The following POTEJ variants were observed in gnomAD, a reference collection of about 807,000 sequenced individuals.
POTEJ encodes the protein POTE ankyrin domain family member J, also known as POTE ankyrin domain family, member J.
A neutral mutation model predicts 69.0 loss-of-function variants in POTEJ; 11 were observed. The ratio of observed to expected loss-of-function variants is 0.16; its 90% CI spans 0.10 to 0.26. POTEJ has a LOEUF of 0.26. Ranked by LOEUF, POTEJ falls within the 10% of genes least tolerant of loss-of-function variation. The probability of loss-of-function intolerance (pLI) is 1.00; values close to 1 mark genes in which losing one functional copy is unlikely to be tolerated. For synonymous variants in POTEJ, 117 were observed against 381.1 expected, an observed-to-expected ratio of 0.31 and a Z score of 8.07; for missense variants, 327 against 1,045.5, an observed-to-expected ratio of 0.31 and a Z score of 9.48.
In POTEJ at chr2:130,611,709, C is replaced by G. The variant is rs1053816490; in HGVS notation, c.177C>G (p.Ser59Arg). ...ACTCCACTATGAAGACACTCAGGAG[C>G]AAGATGGGCAAGTGGTGCTGCCACT... ...QDDSTMKTLR[S>R]KMGKWCCHCF... The change falls in exon 1 of 15, where the codon AGC becomes AGG. Residue 59 changes from serine to arginine, a missense_variant. Ser to Arg is a moderately radical substitution (Grantham distance 110, BLOSUM62 -1). Coordinates refer to ENST00000409602, the MANE Select transcript of POTEJ (RefSeq NM_001277083.2). The G allele has an allele frequency of 1.9e-6, 3 of 1,559,482 alleles. No individual in the cohort carries two copies. In the African/African-American group the frequency reaches 4.9e-5, roughly 26 times the overall value.
At chr2:130,625,051 G>A (rs1483118618) in intron 6 of POTEJ, among the ~76,000 whole-genome samples, 9 of 152,148 alleles carry the variant, frequency 5.9e-5, no homozygotes, top group South Asian at 2.1e-4. Context: ...ATGCTACCTG[G>A]TTGTGGACAC....
At chr2:130,623,977 T>C in intron 5 of POTEJ, 87 bp from the exon 6 acceptor site, 1 of 1,356,462 alleles carries the variant, frequency 7.4e-7, no homozygotes, top group African/African-American at 1.8e-5. Flanking sequence ...TGATATTGTT[T>C]GAAATACTCT....
intron 6 of POTEJ, among the ~76,000 whole-genome samples, chr2:130,625,158 G>A (rs1408219223): frequency 6.6e-6 from 1 of 152,180 alleles, no homozygotes; most frequent in Non-Finnish European, 1.5e-5. Flanking sequence ...TAAGTTGCAG[G>A]AGACAAAGAT....
intron 3 of POTEJ, among the ~76,000 whole-genome samples, chr2:130,618,564 C>A (rs1303264368): frequency 6.8e-6 from 1 of 147,344 alleles, no homozygotes; most frequent in Non-Finnish European, 1.5e-5. Flanking sequence ...CATAATGAGA[C>A]CCTGTCTCTA....
intron 14 of POTEJ, among the ~76,000 whole-genome samples, 156 bp downstream of exon 14, chr2:130,655,197 C>T (rs1686939831): frequency 6.6e-6 from 1 of 151,514 alleles, no homozygotes; most frequent in Non-Finnish European, 1.5e-5. Context: ...TAGGATAAAG[C>T]CATGTTCTTA....
intron 10 of POTEJ, among the ~76,000 whole-genome samples, chr2:130,643,621 G>A (rs1035039166): frequency 4.9e-5 from 7 of 143,652 alleles, no homozygotes; most frequent in Admixed American, 2.8e-4. Context: ...TGTCAGCAGT[G>A]ATTTTGGAAA....
At chr2:130,650,668 AT>A (rs1374978571) in intron 13 of POTEJ, among the ~76,000 whole-genome samples, 94 of 129,902 alleles carry the variant, frequency 7.2e-4, no homozygotes, top group African/African-American at 2.6e-3. Context: ...TTATATTAAT[AT>A]TTTTTCACTT....
At chr2:130,640,983 T>G (rs201391125) in intron 10 of POTEJ, among the ~76,000 whole-genome samples, 1 of 149,762 alleles carries the variant, frequency 6.7e-6, no homozygotes, top group East Asian at 1.9e-4. Flanking sequence ...TGGTGTAAAA[T>G]GGGTTAGCAG....
intron 3 of POTEJ, among the ~76,000 whole-genome samples, chr2:130,617,893 GTT>G (rs1253841317): frequency 6.6e-6 from 1 of 152,308 alleles, no homozygotes; most frequent in African/African-American, 2.4e-5. Flanking sequence ...GAGAATGACA[GTT>G]TTCAGTTTGG....
chr2:130,641,288 G>A (rs1290688318), intron 10 of POTEJ, among the ~76,000 whole-genome samples: 3 of 152,122 alleles, frequency 2.0e-5, no homozygotes, highest in African/African-American at 7.3e-5. Flanking sequence ...CACATCCTTG[G>A]AGTAGCATCA....
chr2:130,643,279 AT>A (rs1165813731), intron 10 of POTEJ, among the ~76,000 whole-genome samples: 1 of 141,196 alleles, frequency 7.1e-6, no homozygotes. Context: ...CACACCTGTA[AT>A]CCCAGCACTT....
At chr2:130,651,955 A>G (rs1258625244) in intron 13 of POTEJ, among the ~76,000 whole-genome samples, 3 of 124,164 alleles carry the variant, frequency 2.4e-5, no homozygotes, top group Non-Finnish European at 4.8e-5. Flanking sequence ...TGACATTTAG[A>G]TATTTTAAAA....
At chr2:130,619,142 T>G (rs1299345422) in intron 3 of POTEJ, among the ~76,000 whole-genome samples, 2 of 152,156 alleles carry the variant, frequency 1.3e-5, no homozygotes, top group African/African-American at 4.8e-5. Context: ...TACAGAATAA[T>G]ACCTTTTCCT....
intron 4 of POTEJ, among the ~76,000 whole-genome samples, chr2:130,620,615 T>C (rs1685517472): frequency 9.9e-6 from 1 of 101,020 alleles, no homozygotes; most frequent in Non-Finnish European, 1.8e-5. Context: ...TTGAAGAATA[T>C]TAATGTTAGC....
intron 9 of POTEJ, among the ~76,000 whole-genome samples, chr2:130,637,565 T>G (rs1686146335): frequency 6.6e-6 from 1 of 152,208 alleles, no homozygotes; most frequent in South Asian, 2.1e-4. Context: ...GCAGAATGGG[T>G]GCCACAAAAA....
intron 6 of POTEJ, among the ~76,000 whole-genome samples, chr2:130,625,193 A>G (rs1685658926): frequency 6.6e-6 from 1 of 152,146 alleles, no homozygotes. Context: ...TTTGATCTTT[A>G]AGGTGCTCAT....
intron 3 of POTEJ, among the ~76,000 whole-genome samples, chr2:130,618,609 C>A (rs1201553266): frequency 2.0e-5 from 3 of 146,674 alleles, no homozygotes; most frequent in Non-Finnish European, 4.5e-5. Flanking sequence ...ACGACGACAA[C>A]AACAACAATT....
intron 1 of POTEJ, among the ~76,000 whole-genome samples, chr2:130,613,328 G>GTATATATACATATATATGTGTGTGTA (rs1558915601): frequency 1.1e-5 from 1 of 94,966 alleles, no homozygotes; most frequent in Non-Finnish European, 1.9e-5. Flanking sequence ...ATATACATAT[G>GTATATATACATATATATGTGTGTGTA]TATATATACA....
intron 10 of POTEJ, among the ~76,000 whole-genome samples, chr2:130,643,567 G>T (rs1261352713): frequency 6.9e-6 from 1 of 144,040 alleles, no homozygotes; most frequent in African/African-American, 2.5e-5. Flanking sequence ...AATAGTGGAG[G>T]GAAACATTTT....
Sources: allele counts gnomAD v4.1 joint callset (sites outside exome capture counted in the v4.1 genomes callset), GRCh38; gene constraint gnomAD v4.1.1; transcripts MANE v1.5; gene names NCBI Gene and HGNC (gene_info 2026-07-23, HGNC 2026-07-21).